CNTN5: variants seen among roughly 807,000 people sequenced by gnomAD.
CNTN5 encodes the protein contactin-5.
A neutral mutation model predicts 129.1 loss-of-function variants in CNTN5; 77 were observed. The observed-to-expected ratio is 0.60, with a 90% CI of 0.50 to 0.72. CNTN5 has a LOEUF of 0.72. Ranked by LOEUF, CNTN5 falls within the 30% of genes least tolerant of loss-of-function variation. The probability of loss-of-function intolerance (pLI) is 0.00; values close to 1 mark genes in which losing one functional copy is unlikely to be tolerated. For missense variants in CNTN5, 1,478 were observed against 1,328.8 expected (o/e 1.11, Z -1.75); for synonymous variants, 509 against 465.6 (o/e 1.09, Z -1.20).
intron 13 of CNTN5, among the ~76,000 whole-genome samples, chr11:100,102,817 G>T (rs962191444): frequency 2.6e-5 from 4 of 152,050 alleles, no homozygotes; most frequent in African/African-American, 9.7e-5. Context: ...TCTCCCTTCT[G>T]TATTACCAGC....
intron 3 of CNTN5, among the ~76,000 whole-genome samples, chr11:99,739,860 G>T (rs1393977630): frequency 6.6e-6 from 1 of 152,130 alleles, no homozygotes; most frequent in Non-Finnish European, 1.5e-5. Flanking sequence ...GTCTAGGCAA[G>T]GAGCTTTTAA....
chr11:99,759,491 G>A (rs999951336), intron 3 of CNTN5, among the ~76,000 whole-genome samples: 2 of 151,954 alleles, frequency 1.3e-5, no homozygotes, highest in Non-Finnish European at 2.9e-5. Context: ...GTTTCAAAGA[G>A]GGTGAAAATT....
chr11:100,122,596 G>C (rs1946061678), intron 13 of CNTN5, among the ~76,000 whole-genome samples: 1 of 152,012 alleles, frequency 6.6e-6, no homozygotes, highest in African/African-American at 2.4e-5. Context: ...AAAATGAAAC[G>C]TGAGCAATGT....
intron 15 of CNTN5, among the ~76,000 whole-genome samples, chr11:100,205,591 A>G (rs1162684266): frequency 6.6e-6 from 1 of 152,120 alleles, no homozygotes; most frequent in Non-Finnish European, 1.5e-5. Flanking sequence ...TTATCAGTGT[A>G]CAATACAATC....
chr11:99,403,306 A>G (rs1226691280), intron 2 of CNTN5, among the ~76,000 whole-genome samples: 2 of 151,972 alleles, frequency 1.3e-5, no homozygotes, highest in Non-Finnish European at 2.9e-5. Flanking sequence ...GGCTTGTTTA[A>G]CTTTCGATAA....
chr11:99,136,051 T>G (rs1183058489), intron 1 of CNTN5, among the ~76,000 whole-genome samples: 1 of 152,186 alleles, frequency 6.6e-6, no homozygotes, highest in African/African-American at 2.4e-5. Context: ...ATAAACACTT[T>G]AAGTTCCTAT....
intron 2 of CNTN5, among the ~76,000 whole-genome samples, chr11:99,387,464 C>T (rs536492824): frequency 3.3e-5 from 5 of 152,262 alleles, no homozygotes; most frequent in African/African-American, 1.2e-4. Flanking sequence ...ACCATTTCTA[C>T]TAGCTGTATT....
At chr11:99,948,877 C>A (rs532064159) in intron 7 of CNTN5, among the ~76,000 whole-genome samples, 1 of 152,280 alleles carries the variant, frequency 6.6e-6, no homozygotes, top group South Asian at 2.1e-4. Context: ...ATTTGCCACA[C>A]CTGGAAAATC....
intron 3 of CNTN5, among the ~76,000 whole-genome samples, chr11:99,790,537 G>C (rs762843996): frequency 6.6e-6 from 1 of 152,032 alleles, no homozygotes; most frequent in African/African-American, 2.4e-5. Context: ...GTTCTATAGC[G>C]TGTGTGTATC....
chr11:99,444,753 A>G (rs1271528012), intron 2 of CNTN5, among the ~76,000 whole-genome samples: 6 of 152,080 alleles, frequency 3.9e-5, no homozygotes, highest in Non-Finnish European at 5.9e-5. Context: ...ATGCATCTAT[A>G]TATGCAAATA....
intron 6 of CNTN5, among the ~76,000 whole-genome samples, chr11:99,847,477 G>A (rs1947737219): frequency 6.6e-6 from 1 of 152,074 alleles, no homozygotes; most frequent in South Asian, 2.1e-4. Context: ...GTATTCAGTG[G>A]TAGCACCTTA....
At position 99,036,362 on chromosome 11, in the gene CNTN5, T is replaced by C. The variant is rs184276658; in HGVS notation, c.-210+15092T>C. On this transcript the variant is annotated intron_variant, in intron 1 of 24. Coordinates refer to ENST00000524871, the MANE Select transcript of CNTN5 (RefSeq NM_014361.4). ...TCAGAAGTAGTCATCATTTTATACA[T>C]GTATCATTCTATTTATAGATAATGT... 1.9e-3 allele frequency among the ~76,000 whole-genome samples: 282 copies of C among 152,220 alleles called. 1 individual carries two copies. Among genetic ancestry groups the C allele is most frequent in the Non-Finnish European group, 3.4e-3 (230 of 68,010 alleles).
intron 16 of CNTN5, among the ~76,000 whole-genome samples, chr11:100,247,772 A>G (rs1949875885): frequency 6.9e-6 from 1 of 144,482 alleles, no homozygotes; most frequent in South Asian, 2.4e-4. Context: ...GTCTAGTCAC[A>G]TTATTAAATA....
At chr11:99,846,008 C>G (rs1947681283) in intron 6 of CNTN5, among the ~76,000 whole-genome samples, 2 of 151,924 alleles carry the variant, frequency 1.3e-5, no homozygotes, top group African/African-American at 4.8e-5. Flanking sequence ...AAAACTTCTG[C>G]TTATAGCCAG....
chr11:100,166,121 CT>C (rs886662570), intron 13 of CNTN5, among the ~76,000 whole-genome samples: 1 of 151,658 alleles, frequency 6.6e-6, no homozygotes, highest in Non-Finnish European at 1.5e-5. Flanking sequence ...TCATGAATCC[CT>C]TTAACTACCA....
chr11:99,478,534 G>A (rs1246385754), intron 2 of CNTN5, among the ~76,000 whole-genome samples: 3 of 152,140 alleles, frequency 2.0e-5, no homozygotes, highest in Non-Finnish European at 4.4e-5. Context: ...TTACAAAAGG[G>A]TGTGAGTATC....
chr11:99,836,969 A>G (rs1947327512), intron 4 of CNTN5, among the ~76,000 whole-genome samples: 1 of 152,176 alleles, frequency 6.6e-6, no homozygotes, highest in African/African-American at 2.4e-5. Flanking sequence ...GAAGATGACC[A>G]GAGGTCACTC....
At chr11:99,326,700 C>G (rs1865800395) in intron 2 of CNTN5, among the ~76,000 whole-genome samples, 2 of 151,862 alleles carry the variant, frequency 1.3e-5, no homozygotes, top group Non-Finnish European at 2.9e-5. Context: ...CCAGGTATCT[C>G]TAAATTAATC....
At chr11:99,616,360 C>G (rs928040401) in intron 3 of CNTN5, among the ~76,000 whole-genome samples, 1 of 152,132 alleles carries the variant, frequency 6.6e-6, no homozygotes, top group Non-Finnish European at 1.5e-5. Context: ...TGCCATGTGA[C>G]TTTGAACTTA....
Sources: allele counts gnomAD v4.1 joint callset (sites outside exome capture counted in the v4.1 genomes callset), GRCh38; gene constraint gnomAD v4.1.1; transcripts MANE v1.5; gene names NCBI Gene and HGNC (gene_info 2026-07-23, HGNC 2026-07-21).